GPI: variants seen among roughly 807,000 people sequenced by gnomAD.
The protein encoded by GPI is glucose-6-phosphate isomerase.
A neutral mutation model predicts 75.8 loss-of-function variants in GPI; 56 were observed. The observed-to-expected ratio is 0.74, with a 90% CI of 0.60 to 0.92. GPI has a LOEUF of 0.92. GPI is among the 40% of genes least tolerant of loss of function. The probability of loss-of-function intolerance (pLI) is 0.00; values close to 1 mark genes in which losing one functional copy is unlikely to be tolerated. For synonymous variants in GPI, 288 were observed against 285.4 expected (o/e 1.01, Z -0.09); for missense variants, 638 against 741.0 (o/e 0.86, Z 1.61).
chr19:34,377,336 A>AAAAAAAAAAAATATAT (rs2074558981), intron 4 of GPI, among the ~76,000 whole-genome samples, 167 bp from the exon 5 acceptor site: 1 of 49,326 alleles, frequency 2.0e-5, no homozygotes. Flanking sequence ...AAAAAAAAAA[A>AAAAAAAAAAAATATAT]ATATATATAT....
chr19:34,370,834 C>CTTGA (rs2145334692), intron 4 of GPI, among the ~76,000 whole-genome samples: 2 of 152,252 alleles, frequency 1.3e-5, no homozygotes, highest in African/African-American at 4.8e-5. Context: ...GGGAGGATTG[C>CTTGA]TTGAGCCCGG....
At chr19:34,375,315 G>A (rs1347462698) in intron 4 of GPI, among the ~76,000 whole-genome samples, 2 of 151,288 alleles carry the variant, frequency 1.3e-5, no homozygotes, top group Admixed American at 1.3e-4. Context: ...GATAATTTTT[G>A]TATTTTTTTT....
chr19:34,361,432 C>T (rs769004734), upstream of GPI, among the ~76,000 whole-genome samples: 9 of 151,970 alleles, frequency 5.9e-5, no homozygotes, highest in Non-Finnish European at 1.2e-4. Flanking sequence ...ATGGGGAGGA[C>T]AACAGGGTAT....
intron 9 of GPI, among the ~76,000 whole-genome samples, chr19:34,385,221 C>G (rs536745450): frequency 1.3e-5 from 2 of 151,656 alleles, no homozygotes; most frequent in African/African-American, 4.8e-5. Context: ...TGGTGGCACA[C>G]GCCTGTAATC....
chr19:34,392,903 G>C, intron 9 of GPI: 2 of 370,290 alleles, frequency 5.4e-6, no homozygotes, highest in South Asian at 4.3e-5. Flanking sequence ...GTGGGCCCTG[G>C]CGCAGGTATG....
intron 4 of GPI, among the ~76,000 whole-genome samples, chr19:34,375,268 G>A (rs943317401): frequency 1.3e-5 from 2 of 150,590 alleles, no homozygotes; most frequent in Admixed American, 6.6e-5. Context: ...TCAGCCTCCC[G>A]AGTAGCTGAG....
intron 3 of GPI, 31 bp downstream of exon 3, chr19:34,366,882 TC>T: frequency 1.4e-6 from 2 of 1,468,580 alleles, no homozygotes; most frequent in Non-Finnish European, 1.9e-6. Flanking sequence ...CTCTGGGGCC[TC>T]CTTCCTTCCC....
In GPI at chr19:34,393,892, A is replaced by T. The variant is rs767121798; in HGVS notation, c.910-22A>T. On this transcript the variant is annotated intron_variant, in intron 11 of 17. Transcript: ENST00000356487. This position sits in a 1 kb window ranked among gnomAD's most constrained non-coding sequence, Gnocchi z 4.4. ...CTCCCCGTGCAGCTGCTCAGCTCCC[A>T]CTCATCCTGCTCCTGTTTCAGGACC... 6.2e-7 allele frequency: 1 copy of T among 1,611,008 alleles called. No homozygotes were observed. The highest frequency in any genetic ancestry group is 1.7e-5 in the Admixed American group (1 of 59,774).
chr19:34,370,748 A>C (rs1003209624), intron 4 of GPI, among the ~76,000 whole-genome samples: 2 of 151,694 alleles, frequency 1.3e-5, no homozygotes, highest in East Asian at 3.9e-4. Flanking sequence ...CAACAAAAAA[A>C]CCAACCCATC....
chr19:34,399,308 G>C lies in GPI; in HGVS notation c.1371G>C (p.Glu457Asp). 6.2e-7 allele frequency: 1 copy of C among 1,614,170 alleles called. No homozygotes were observed. Among genetic ancestry groups the C allele is most frequent in the Non-Finnish European group, 8.5e-7 (1 of 1,180,026 alleles). Residue 457 changes from glutamate to aspartate, a missense_variant, in exon 15 of 18, where the codon GAG (glutamate) becomes GAC (aspartate). By Grantham distance (45) the Glu-to-Asp change is conservative. Transcript: ENST00000356487. The part of the protein sequence containing the change: ...KELQAAGKSP[E>D]DLERLLPHKV... ...TCCAGGCTGCGGGCAAGAGTCCAGA[G>C]GACCTTGAGAGGCTGCTGCCACATA... is the stretch of plus-strand genomic sequence containing the variant.
Position 34,399,768 on chromosome 19 carries a change from C to T in GPI, c.1524C>T (p.Asn508=). The change falls in exon 17 of 18, where the codon AAC becomes AAT. Residue 508 remains asparagine, a synonymous_variant. Coordinates refer to ENST00000356487, the MANE Select transcript of GPI (RefSeq NM_000175.5). The stretch of plus-strand genomic sequence containing the variant: ...TTCAGGGCATCATCTGGGACATCAA[C>T]AGCTTTGACCAGTGGGGGTGAGTTG... ...IFVQGIIWDI[N]SFDQWGVELG... 1 of 1,614,078 alleles carries T rather than the reference C, an allele frequency of 6.2e-7. No individual in the cohort carries two copies. Among genetic ancestry groups the T allele is most frequent in the East Asian group, 2.2e-5 (1 of 44,866 alleles).
intron 4 of GPI, among the ~76,000 whole-genome samples, chr19:34,370,080 G>A (rs1471490345): frequency 6.6e-6 from 1 of 152,202 alleles, no homozygotes; most frequent in African/African-American, 2.4e-5. Flanking sequence ...TTTCCACCTG[G>A]AAGTATGTAA....
rs8191422 is a variant in GPI, at chr19:34,396,519, T to C, written c.1193-62T>C. 4,174 of 1,610,848 alleles carry C rather than the reference T, an allele frequency of 2.6e-3. 4 individuals carry two copies. Among genetic ancestry groups the C allele is most frequent in the Non-Finnish European group, 3.4e-3 (3,969 of 1,177,122 alleles). ...TCTCACTTAGGTCAGTGCCCTCCTC[T>C]AGGCCATATGGCTAGCTCCCATGGG... On this transcript the variant is annotated intron_variant, in intron 13 of 17. Transcript: ENST00000356487.
intron 2 of GPI, 93 bp downstream of exon 2, chr19:34,366,528 G>T: frequency 1.1e-6 from 1 of 880,870 alleles, no homozygotes. Flanking sequence ...AGTATCTTGA[G>T]TTCTTCCTCT....
chr19:34,365,840 A>C, intron 1 of GPI: 1 of 470,702 alleles, frequency 2.1e-6, no homozygotes, highest in Non-Finnish European at 4.2e-6. Context: ...GCTGGGTGGA[A>C]GGATGGAGAC....
intron 9 of GPI, 191 bp downstream of exon 9, chr19:34,381,710 A>G: frequency 3.1e-6 from 2 of 652,154 alleles, no homozygotes; most frequent in Non-Finnish European, 5.6e-6. Context: ...CTCCACTTCC[A>G]CCTGAGGGCG....
At chr19:34,376,147 T>C (rs2074532038) in intron 4 of GPI, among the ~76,000 whole-genome samples, 1 of 152,184 alleles carries the variant, frequency 6.6e-6, no homozygotes, top group African/African-American at 2.4e-5. Context: ...TCCTATGCCT[T>C]GTGTAGTGGC....
Position 34,377,884 on chromosome 19 carries a change from A to G in GPI, c.633+3A>G, listed in dbSNP as rs1599825171. On this transcript the variant is annotated splice_donor_region_variant and intron_variant, in intron 6 of 17. Coordinates refer to ENST00000356487, the MANE Select transcript of GPI (RefSeq NM_000175.5). ...CCCTGTTCATCATTGCCTCCAAGGT[A>G]TGAGTGCCGAAAACTGCCCGGCCCC... 5 of 1,614,016 alleles carry G rather than the reference A, an allele frequency of 3.1e-6. No individual in the cohort carries two copies. The East Asian group carries it at 1.1e-4, about 36-fold the overall frequency.
chr19:34,393,270 T>A lies in GPI; in HGVS notation c.827T>A (p.Leu276Gln). The A allele has an allele frequency of 6.2e-7, 1 of 1,613,598 alleles. No individual in the cohort carries two copies. Among genetic ancestry groups the A allele is most frequent in the Non-Finnish European group, 8.5e-7 (1 of 1,179,546 alleles). ...FWDWVGGRYS[L>Q]WSAIGLSIAL... ...TAGTGGGTGGGAGGACGCTACTCGC[T>A]GTGGTCGGCCATCGGACTCTCCATT... Residue 276 changes from leucine (L) to glutamine (Q), a missense_variant, in exon 10 of 18, where the codon CTG becomes CAG. Transcript: ENST00000356487. The surrounding 1 kb of genome is among the most constrained non-coding windows in gnomAD (Gnocchi z 4.4).
Sources: gnomAD v4.1 joint callset for allele counts (sites outside exome capture counted in the v4.1 genomes callset) on GRCh38, gnomAD v4.1.1 for gene constraint, Gnocchi (gnomAD v3.1) non-coding constraint, MANE v1.5 for transcripts, NCBI Gene and HGNC (gene_info 2026-07-23, HGNC 2026-07-21) for gene names.